LHFPL6: variants seen among roughly 807,000 people sequenced by gnomAD.
The protein encoded by LHFPL6 is LHFPL tetraspan subfamily member 6 protein.
A neutral mutation model predicts 20.6 loss-of-function variants in LHFPL6; 9 were observed. The observed-to-expected ratio is 0.44, with a 90% CI of 0.26 to 0.76. The LOEUF (loss-of-function observed/expected upper bound fraction) is 0.76, where lower values mean the gene tolerates loss of function less well. Among genes scored for constraint, LHFPL6 ranks in the 30% least tolerant of loss-of-function variants. LHFPL6 has a pLI of 0.20. For synonymous variants in LHFPL6, 105 were observed against 98.7 expected (o/e 1.06, Z -0.38); for missense variants, 218 against 253.5 (o/e 0.86, Z 0.95).
intron 2 of LHFPL6, among the ~76,000 whole-genome samples, chr13:39,476,610 T>A (rs1295049790): frequency 6.6e-6 from 1 of 152,198 alleles, no homozygotes; most frequent in African/African-American, 2.4e-5. Flanking sequence ...GCAAAGTGCA[T>A]TCTTATTGCA....
intron 3 of LHFPL6, among the ~76,000 whole-genome samples, chr13:39,350,063 T>C (rs1178859813): frequency 6.6e-6 from 1 of 152,216 alleles, no homozygotes; most frequent in Non-Finnish European, 1.5e-5. Context: ...TCCTGCTACC[T>C]GTTTTGCTAT....
intron 1 of LHFPL6, among the ~76,000 whole-genome samples, chr13:39,602,435 T>A (rs1182079675): frequency 2.0e-5 from 3 of 152,094 alleles, no homozygotes; most frequent in Admixed American, 2.0e-4. Flanking sequence ...TTTTTTCTAA[T>A]CTTGTCAACT....
intron 2 of LHFPL6, among the ~76,000 whole-genome samples, chr13:39,430,698 G>A (rs1871770498): frequency 6.6e-6 from 1 of 152,046 alleles, no homozygotes; most frequent in African/African-American, 2.4e-5. Context: ...CTAGCTAAAG[G>A]TTTGTAAACA....
chr13:39,369,605 C>CCCTCCCTCCTTCCTTCCTTCCT (rs1870112127), intron 3 of LHFPL6, among the ~76,000 whole-genome samples: 1 of 39,530 alleles, frequency 2.5e-5, no homozygotes, highest in South Asian at 9.9e-4. Context: ...CTTCCTCCCT[C>CCCTCCCTCCTTCCTTCCTTCCT]TCTCCCTCCC....
chr13:39,431,003 A>G (rs1191775628), intron 2 of LHFPL6, among the ~76,000 whole-genome samples: 2 of 152,080 alleles, frequency 1.3e-5, no homozygotes, highest in African/African-American at 4.8e-5. Context: ...GAGCTGTAAT[A>G]CCCACTGCAA....
At chr13:39,489,269 T>C (rs1249054668) in intron 2 of LHFPL6, among the ~76,000 whole-genome samples, 2 of 152,168 alleles carry the variant, frequency 1.3e-5, no homozygotes, top group Non-Finnish European at 2.9e-5. Flanking sequence ...GCACAGCTGA[T>C]ACTTTCTTCT....
At chr13:39,562,683 C>CATATAT (rs112927123) in intron 2 of LHFPL6, among the ~76,000 whole-genome samples, 15,984 of 147,762 alleles carry the variant, frequency 0.11, 1,210 homozygotes, top group East Asian at 0.37. Context: ...CATATATACA[C>CATATAT]ACACACACAC....
intron 2 of LHFPL6, among the ~76,000 whole-genome samples, chr13:39,529,480 C>T (rs1870396222): frequency 6.6e-6 from 1 of 152,134 alleles, no homozygotes; most frequent in Admixed American, 6.5e-5. Flanking sequence ...CTACTATGTT[C>T]AAAGTCCTAG....
intron 2 of LHFPL6, among the ~76,000 whole-genome samples, chr13:39,434,253 C>G (rs757917185): frequency 6.6e-6 from 1 of 152,152 alleles, no homozygotes; most frequent in African/African-American, 2.4e-5. Flanking sequence ...CTTGTTTTGC[C>G]TTTACAACAT....
chr13:39,509,886 G>A (rs1487664252), intron 2 of LHFPL6, among the ~76,000 whole-genome samples: 1 of 152,210 alleles, frequency 6.6e-6, no homozygotes, highest in East Asian at 1.9e-4. Context: ...GCTGCAGTCA[G>A]CCATGACTGT....
At chr13:39,437,308 G>T (rs1871984657) in intron 2 of LHFPL6, among the ~76,000 whole-genome samples, 1 of 152,130 alleles carries the variant, frequency 6.6e-6, no homozygotes, top group Non-Finnish European at 1.5e-5. Context: ...GATCATGGGG[G>T]CAGTTTCTCA....
At chr13:39,450,346 A>G (rs1048524639) in intron 2 of LHFPL6, among the ~76,000 whole-genome samples, 11 of 152,222 alleles carry the variant, frequency 7.2e-5, no homozygotes, top group African/African-American at 2.2e-4. Flanking sequence ...ATGGTACTGC[A>G]TTCATAGTAG....
intron 2 of LHFPL6, among the ~76,000 whole-genome samples, chr13:39,555,709 G>A (rs1871284347): frequency 6.6e-6 from 1 of 152,076 alleles, no homozygotes. Flanking sequence ...AGCAAAAGAA[G>A]CCAACATAAT....
chr13:39,484,370 C>G (rs1049503777), intron 2 of LHFPL6, among the ~76,000 whole-genome samples: 10 of 152,206 alleles, frequency 6.6e-5, no homozygotes, highest in Middle Eastern at 3.4e-3. Flanking sequence ...TGCTTGAGGT[C>G]TCTTTAGTTT....
intron 2 of LHFPL6, among the ~76,000 whole-genome samples, chr13:39,491,576 T>C (rs1221096943): frequency 6.6e-6 from 1 of 152,156 alleles, no homozygotes; most frequent in Non-Finnish European, 1.5e-5. Context: ...ATGTGCAAGA[T>C]TAAATTCAAG....
intron 2 of LHFPL6, among the ~76,000 whole-genome samples, chr13:39,600,391 G>T (rs1291875338): frequency 6.6e-6 from 1 of 152,190 alleles, no homozygotes; most frequent in African/African-American, 2.4e-5. Context: ...CCACCAAAGT[G>T]TATTAGAGGT....
chr13:39,389,043 G>C (rs1221860289), intron 2 of LHFPL6, among the ~76,000 whole-genome samples: 2 of 152,224 alleles, frequency 1.3e-5, no homozygotes, highest in African/African-American at 2.4e-5. Context: ...TGCATAGACA[G>C]AGTTAGCTGG....
chr13:39,422,556 A>T (rs897125616), intron 2 of LHFPL6, among the ~76,000 whole-genome samples: 20 of 143,568 alleles, frequency 1.4e-4, no homozygotes, highest in African/African-American at 4.9e-4. Context: ...ATTGCATTCC[A>T]TCCTGGGCAA....
In LHFPL6 at chr13:39,394,420, C is replaced by T. The variant is rs546558710; in HGVS notation, c.386-15894G>A. On this transcript the variant is annotated intron_variant, in intron 2 of 3. Transcript: ENST00000379589. ...GGCAAGTTCAAACCTCAGCCCATAA[C>T]AGAGGTTTGTGGTTGAATCCTCAAA... 9.8e-5 allele frequency among the ~76,000 whole-genome samples: 15 copies of T among 152,320 alleles called. No homozygotes were observed. The South Asian group carries it at 3.1e-3, about 32-fold the overall frequency.
Sources: allele counts gnomAD v4.1 joint callset (sites outside exome capture counted in the v4.1 genomes callset), GRCh38; gene constraint gnomAD v4.1.1; transcripts MANE v1.5; gene names NCBI Gene and HGNC (gene_info 2026-07-23, HGNC 2026-07-21).